THADA: variants seen among roughly 807,000 people sequenced by gnomAD.
The protein encoded by THADA is tRNA (32-2'-O)-methyltransferase regulator THADA.
In THADA, 213 loss-of-function variants were observed where a neutral mutation model predicts 219.8. That is an observed-to-expected ratio of 0.97 (90% confidence interval 0.87 to 1.09). The LOEUF (loss-of-function observed/expected upper bound fraction) is 1.09. Ranked by LOEUF, THADA falls within the 50% of genes least tolerant of loss-of-function variation. THADA has a pLI of 0.00. For missense variants in THADA, 2,956 were observed against 2,311.3 expected, an observed-to-expected ratio of 1.28 and a Z score of -5.72; for synonymous variants, 1,018 against 828.9, an observed-to-expected ratio of 1.23 and a Z score of -3.92.
intron 36 of THADA, among the ~76,000 whole-genome samples, chr2:43,261,486 A>C (rs1336314321): frequency 2.0e-5 from 3 of 150,830 alleles, no homozygotes; most frequent in Non-Finnish European, 4.4e-5. Flanking sequence ...CCCAGGCTGG[A>C]CTGCTGCTCT....
At chr2:43,556,812 C>T (rs979118746) in intron 16 of THADA, among the ~76,000 whole-genome samples, 2 of 151,948 alleles carry the variant, frequency 1.3e-5, no homozygotes, top group African/African-American at 4.8e-5. Flanking sequence ...TATCTGTAAC[C>T]CCATCACTTT....
intron 17 of THADA, among the ~76,000 whole-genome samples, chr2:43,555,630 C>G (rs1213992474): frequency 5.3e-5 from 8 of 152,178 alleles, no homozygotes; most frequent in Admixed American, 5.2e-4. Context: ...TGTCACCTCT[C>G]TATCTCCAGA....
intron 26 of THADA, among the ~76,000 whole-genome samples, chr2:43,450,272 G>C (rs1224026022): frequency 1.3e-5 from 2 of 152,008 alleles, no homozygotes; most frequent in Non-Finnish European, 2.9e-5. Context: ...CATAAATTAA[G>C]AGATTTATGC....
intron 27 of THADA, 88 bp from the exon 28 acceptor site, chr2:43,428,319 T>C (rs1230450948): frequency 1.0e-5 from 14 of 1,338,264 alleles, no homozygotes; most frequent in Middle Eastern, 1.9e-4. Flanking sequence ...GAAATAATTA[T>C]GTATATGGCC....
intron 36 of THADA, among the ~76,000 whole-genome samples, chr2:43,257,734 G>A (rs1344180439): frequency 2.0e-5 from 3 of 152,108 alleles, no homozygotes; most frequent in Non-Finnish European, 2.9e-5. Context: ...AAATTCCCCT[G>A]CTATTTAAAT....
intron 22 of THADA, among the ~76,000 whole-genome samples, chr2:43,514,701 A>AAT (rs538260074): frequency 3.7e-5 from 3 of 80,398 alleles, no homozygotes; most frequent in African/African-American, 1.2e-4. Flanking sequence ...TAATATATAT[A>AAT]ATATATATAT....
chr2:43,358,805 C>T (rs558229396), intron 29 of THADA, among the ~76,000 whole-genome samples: 2 of 152,302 alleles, frequency 1.3e-5, no homozygotes, highest in African/African-American at 2.4e-5. Flanking sequence ...AACAGACAGA[C>T]TCCTCTTTTA....
chr2:43,504,521 G>A (rs1214749334), intron 24 of THADA, among the ~76,000 whole-genome samples: 1 of 152,206 alleles, frequency 6.6e-6, no homozygotes. Context: ...TATCGTACTT[G>A]ATTGTAAACT....
At chr2:43,430,084 G>C in intron 27 of THADA, 129 bp downstream of exon 27, 1 of 495,686 alleles carries the variant, frequency 2.0e-6, no homozygotes, top group South Asian at 4.5e-5. Context: ...CCTGTCTCAA[G>C]GAAAAAATTT....
intron 29 of THADA, among the ~76,000 whole-genome samples, chr2:43,395,414 ACC>A (rs1347532089): frequency 6.6e-6 from 1 of 152,106 alleles, no homozygotes; most frequent in Non-Finnish European, 1.5e-5. Flanking sequence ...CAAGACAATA[ACC>A]CCTGTCCCTC....
intron 26 of THADA, among the ~76,000 whole-genome samples, chr2:43,452,930 A>G (rs1406204135): frequency 6.6e-6 from 1 of 152,104 alleles, no homozygotes; most frequent in African/African-American, 2.4e-5. Flanking sequence ...CCCACCCCCA[A>G]AAAAACATCT....
rs140299890 is a variant in THADA at position 43,359,611 on chromosome 2, C to T, written c.4228-15374G>A. On this transcript the variant is annotated intron_variant, in intron 29 of 37. Coordinates refer to ENST00000405975, the MANE Select transcript of THADA (RefSeq NM_022065.5). ...AGAAGAATTGCTTGAACCTGGGAGG[C>T]GGAGGTTGCAGTGAGCGAAGATTGC... 3.2e-3 allele frequency among the ~76,000 whole-genome samples: 489 copies of T among 152,206 alleles called. 3 individuals are homozygous for T. The highest frequency in any genetic ancestry group is 0.012 in the African/African-American group (480 of 41,520).
chr2:43,438,297 C>G lies in THADA; in HGVS notation c.3837-7995G>C, dbSNP rs543011053. 1.2e-4 allele frequency among the ~76,000 whole-genome samples: 9 copies of G among 76,664 alleles called. No homozygotes were observed. The South Asian group carries it at 4.8e-3, about 41-fold the overall frequency. 50.3% of individuals were successfully genotyped at this position (76,664 alleles called of 152,430 possible). A position where few individuals can be genotyped will look rare whatever the true frequency, so the allele number is the denominator to read the frequency against. On this transcript the variant is annotated intron_variant, in intron 26 of 37. Coordinates refer to ENST00000405975, the MANE Select transcript of THADA (RefSeq NM_022065.5). ...AGCCTGGGAGACAGAGCGACTCCAT[C>G]TCAAAAAAAAAAAAAAAAAAACCCA...
intron 21 of THADA, among the ~76,000 whole-genome samples, chr2:43,536,897 C>T (rs1558930493): frequency 6.6e-6 from 1 of 152,144 alleles, no homozygotes; most frequent in East Asian, 1.9e-4. Context: ...AAGTGTTTAT[C>T]AGAGTACCTG....
intron 34 of THADA, among the ~76,000 whole-genome samples, chr2:43,288,092 C>T (rs948397172): frequency 1.3e-5 from 2 of 152,298 alleles, no homozygotes; most frequent in Admixed American, 6.5e-5. Context: ...CTGATTTAAG[C>T]CACAGTATTT....
intron 36 of THADA, among the ~76,000 whole-genome samples, chr2:43,272,460 G>T (rs932990748): frequency 6.6e-6 from 1 of 152,112 alleles, no homozygotes; most frequent in Admixed American, 6.5e-5. Flanking sequence ...TGGCGGACAG[G>T]CACTTTCTAA....
intron 12 of THADA, among the ~76,000 whole-genome samples, 154 bp from the exon 13 acceptor site, chr2:43,572,016 C>G (rs1699358699): frequency 6.6e-6 from 1 of 152,176 alleles, no homozygotes; most frequent in Admixed American, 6.5e-5. Flanking sequence ...CTCAAAGATC[C>G]TAGGGTTATT....
At chr2:43,276,028 G>C in intron 36 of THADA, among the ~76,000 whole-genome samples, 1 of 152,322 alleles carries the variant, frequency 6.6e-6, no homozygotes, top group African/African-American at 2.4e-5. Context: ...TCCTGCTCTT[G>C]TAGCATTAGA....
At chr2:43,474,793 T>C (rs533401649) in intron 26 of THADA, among the ~76,000 whole-genome samples, 9 of 152,262 alleles carry the variant, frequency 5.9e-5, no homozygotes, top group Non-Finnish European at 1.2e-4. Flanking sequence ...TGAAGAGTAT[T>C]AGATGCTTCT....
Sources: gnomAD v4.1 joint callset for allele counts (sites outside exome capture counted in the v4.1 genomes callset) on GRCh38, gnomAD v4.1.1 for gene constraint, MANE v1.5 for transcripts, NCBI Gene and HGNC (gene_info 2026-07-23, HGNC 2026-07-21) for gene names.